DPYSL2: variants seen among roughly 807,000 people sequenced by gnomAD.
The protein encoded by DPYSL2 is dihydropyrimidinase like 2.
Under a neutral mutation model 69.9 loss-of-function variants are expected in DPYSL2, and 13 were observed. That is an observed-to-expected ratio of 0.19 (90% CI 0.12 to 0.30). The LOEUF (loss-of-function observed/expected upper bound fraction) is 0.30. DPYSL2 is among the 10% of genes least tolerant of loss of function. DPYSL2 has a pLI of 1.00. For missense variants in DPYSL2, 587 were observed against 918.9 expected, an observed-to-expected ratio of 0.64 and a Z score of 4.67; for synonymous variants, 326 against 359.1, an observed-to-expected ratio of 0.91 and a Z score of 1.04.
intron 1 of DPYSL2, among the ~76,000 whole-genome samples, chr8:26,545,735 C>G (rs573279335): frequency 6.6e-5 from 10 of 152,058 alleles, no homozygotes; most frequent in African/African-American, 2.4e-4. Context: ...CCACTGCACT[C>G]CAGCCTGAGC....
chr8:26,647,565 A>C lies in DPYSL2; in HGVS notation c.1426-65A>C. ...CGTGTGTATCAATAGTTTGTTATTG[A>C]AAAGTAACTTTTTAACTCGTTTCTG... On this transcript the variant is annotated intron_variant, in intron 10 of 13. Transcript: ENST00000521913. The surrounding 1 kb of genome is among the most constrained non-coding windows in gnomAD (Gnocchi z 5.1). The C allele has an allele frequency of 6.6e-7, 1 of 1,514,268 alleles. No individual in the cohort carries two copies. The highest frequency in any genetic ancestry group is 8.9e-7 in the Non-Finnish European group (1 of 1,124,742). The allele number at this position is 1,514,268 out of a possible 1,614,324, so 93.8% of individuals were successfully genotyped here. A position where few individuals can be genotyped will look rare whatever the true frequency, so the allele number is the denominator to read the frequency against.
chr8:26,537,920 T>G (rs1800621780), intron 1 of DPYSL2, among the ~76,000 whole-genome samples: 1 of 152,240 alleles, frequency 6.6e-6, no homozygotes, highest in Non-Finnish European at 1.5e-5. Context: ...AGCGTTCATC[T>G]TTCCTTGGCT....
intron 3 of DPYSL2, among the ~76,000 whole-genome samples, chr8:26,606,720 G>T (rs1802114232): frequency 6.6e-6 from 1 of 152,094 alleles, no homozygotes. Flanking sequence ...AATATTAAAA[G>T]GGGTTAAGTA....
chr8:26,645,588 G>T (rs1181604591), intron 10 of DPYSL2, among the ~76,000 whole-genome samples: 1 of 152,090 alleles, frequency 6.6e-6, no homozygotes. Context: ...TTGAGATGGA[G>T]TCTCACTCTG....
chr8:26,561,465 A>C (rs1801069411), intron 1 of DPYSL2, among the ~76,000 whole-genome samples: 1 of 152,000 alleles, frequency 6.6e-6, no homozygotes, highest in Non-Finnish European at 1.5e-5. Context: ...TTCCACTTGG[A>C]TATCTTAAAG....
chr8:26,630,070 C>T (rs571758744), intron 7 of DPYSL2, among the ~76,000 whole-genome samples: 11 of 152,340 alleles, frequency 7.2e-5, no homozygotes, highest in East Asian at 3.9e-4. Flanking sequence ...GGCACAGACA[C>T]GCACATATGT....
intron 7 of DPYSL2, among the ~76,000 whole-genome samples, chr8:26,629,738 G>GATTTT (rs576534531): frequency 2.0e-5 from 3 of 152,162 alleles, no homozygotes; most frequent in South Asian, 2.1e-4. Flanking sequence ...GCCTGAGGCT[G>GATTTT]ATTTTATTTT....
In DPYSL2 at chr8:26,626,790, T is replaced by A; in HGVS notation, c.855+112T>A. The A allele has an allele frequency of 8.7e-7, 1 of 1,145,410 alleles. No homozygotes were observed. The highest frequency in any genetic ancestry group is 1.3e-6 in the Non-Finnish European group (1 of 783,228). The allele number at this position is 1,145,410 out of a possible 1,614,324, so 71.0% of individuals were successfully genotyped here. On this transcript the variant is annotated intron_variant, in intron 5 of 13. Transcript: ENST00000521913. This position sits in a 1 kb window ranked among gnomAD's most constrained non-coding sequence, Gnocchi z 4.3. ...GCATGTTTCCTAGCTTCCTGGGAAGTGGCTGGTGGATGCAGTTACTGATGT... is the reference window on the plus strand; with the variant it reads ...GCATGTTTCCTAGCTTCCTGGGAAGAGGCTGGTGGATGCAGTTACTGATGT...
chr8:26,626,154 T>C lies in DPYSL2; in HGVS notation c.794-463T>C, dbSNP rs1314665200. 6.6e-6 allele frequency among the ~76,000 whole-genome samples: 1 copy of C among 152,220 alleles called. No individual in the cohort carries two copies. Among genetic ancestry groups the C allele is most frequent in the Non-Finnish European group, 1.5e-5 (1 of 68,048 alleles). On this transcript the variant is annotated intron_variant, in intron 4 of 13. Coordinates refer to ENST00000521913, the MANE Select transcript of DPYSL2 (RefSeq NM_001197293.3). This position sits in a 1 kb window ranked among gnomAD's most constrained non-coding sequence, Gnocchi z 4.3. ...CTTAAGGTTTCTCCATGTTGTAGCA[T>C]GTGTCAGGGTGTCTTTCCTTTTTAA...
intron 3 of DPYSL2, among the ~76,000 whole-genome samples, chr8:26,613,455 T>C (rs1474207756): frequency 6.6e-6 from 1 of 152,182 alleles, no homozygotes; most frequent in Non-Finnish European, 1.5e-5. Flanking sequence ...GGCTTCAGGA[T>C]GAGTGGCTCC....
At position 26,560,648 on chromosome 8, in the gene DPYSL2, A is replaced by G. The variant is rs1266764327; in HGVS notation, c.355-21321A>G. On this transcript the variant is annotated intron_variant, in intron 1 of 13. Coordinates refer to ENST00000521913, the MANE Select transcript of DPYSL2 (RefSeq NM_001197293.3). The surrounding 1 kb of genome is among the most constrained non-coding windows in gnomAD (Gnocchi z 4.4). Reference sequence around the variant, plus strand: ...TCTCACTTGAACCAGGTTCATCTCTATGCTTTAATAGAAGCATTAAAACAG... The same window carrying G: ...TCTCACTTGAACCAGGTTCATCTCTGTGCTTTAATAGAAGCATTAAAACAG... Among the ~76,000 whole-genome samples, 1 of 152,168 alleles carries G rather than the reference A, an allele frequency of 6.6e-6. No homozygotes were observed.
intron 1 of DPYSL2, among the ~76,000 whole-genome samples, chr8:26,556,362 A>AG (rs1800985519): frequency 4.5e-5 from 3 of 66,950 alleles, no homozygotes; most frequent in African/African-American, 1.5e-4. Flanking sequence ...GTATATATAT[A>AG]TAGTATATAT....
intron 3 of DPYSL2, among the ~76,000 whole-genome samples, chr8:26,623,530 C>T (rs890221733): frequency 1.3e-5 from 2 of 152,208 alleles, no homozygotes; most frequent in Non-Finnish European, 2.9e-5. Flanking sequence ...GGTCAGCTTG[C>T]ATCCAAAGTC....
chr8:26,648,785 A>G lies in DPYSL2; in HGVS notation c.1596+985A>G, dbSNP rs984577568. On this transcript the variant is annotated intron_variant, in intron 11 of 13. Transcript: ENST00000521913. This position sits in a 1 kb window ranked among gnomAD's most constrained non-coding sequence, Gnocchi z 4.3. ...CTTTGCCCTGTCCCAGTCCTCTCTC[A>G]TTTGCACACACAGAGGTGTTTGGGC... is the stretch of plus-strand genomic sequence containing the variant. Among the ~76,000 whole-genome samples, 1 of 152,136 alleles carries G rather than the reference A, an allele frequency of 6.6e-6. No homozygotes were observed. The highest frequency in any genetic ancestry group is 1.5e-5 in the Non-Finnish European group (1 of 68,028).
rs914317059 is a variant in DPYSL2 at position 26,546,846 on chromosome 8, G to A, written c.354+32167G>A. On this transcript the variant is annotated intron_variant, in intron 1 of 13. Coordinates refer to ENST00000521913, the MANE Select transcript of DPYSL2 (RefSeq NM_001197293.3). ...TGAGGCAGGCGAATGGCGTGAACCC[G>A]AGAGGCGGAGCTTGCAGTGAGCCGA... Among the ~76,000 whole-genome samples the A allele has an allele frequency of 4.5e-5, 6 of 132,356 alleles. No individual in the cohort carries two copies. The East Asian group carries it at 8.1e-4, about 18-fold the overall frequency. The allele number at this position is 132,356 out of a possible 152,430, so 86.8% of individuals were successfully genotyped here.
chr8:26,578,287 C>T lies in DPYSL2; in HGVS notation c.355-3682C>T, dbSNP rs749957683. On this transcript the variant is annotated intron_variant, in intron 1 of 13. Coordinates refer to ENST00000521913, the MANE Select transcript of DPYSL2 (RefSeq NM_001197293.3). ...ATCAGGGGAAGAAAAATATTCCACG[C>T]ATCACGGTGAGTTTGGTACTTGGGA... The T allele has an allele frequency of 5.0e-6, 8 of 1,614,122 alleles. 1 individual carries two copies. The highest frequency in any genetic ancestry group is 2.2e-5 in the South Asian group (2 of 91,080).
intron 1 of DPYSL2, among the ~76,000 whole-genome samples, chr8:26,567,771 A>G (rs1801175437): frequency 6.6e-6 from 1 of 152,206 alleles, no homozygotes; most frequent in South Asian, 2.1e-4. Context: ...CGCACAGGGA[A>G]TGCGAAGATG....
intron 1 of DPYSL2, chr8:26,577,844 A>G (rs1801391009): frequency 9.6e-7 from 1 of 1,047,072 alleles, no homozygotes; most frequent in South Asian, 3.0e-5. Flanking sequence ...ATCGCGGCCA[A>G]TCGCTGCTCG....
At chr8:26,523,770 C>T (rs905757186) in intron 1 of DPYSL2, among the ~76,000 whole-genome samples, 1 of 152,170 alleles carries the variant, frequency 6.6e-6, no homozygotes, top group Non-Finnish European at 1.5e-5. Context: ...AAGCAATCCT[C>T]CTGTCTCAGC....
Sources: allele counts gnomAD v4.1 joint callset (sites outside exome capture counted in the v4.1 genomes callset), GRCh38; gene constraint gnomAD v4.1.1; non-coding constraint Gnocchi (gnomAD v3.1); transcripts MANE v1.5; gene names NCBI Gene and HGNC (gene_info 2026-07-23, HGNC 2026-07-21).